Variants in IL1RAPL2 observed in about 807,000 individuals in gnomAD.
IL1RAPL2 encodes X-linked interleukin-1 receptor accessory protein-like 2.
IL1RAPL2 carries 3 observed loss-of-function variants against 44.1 expected under a neutral mutation model. That is an observed-to-expected ratio of 0.07 (90% CI 0.03 to 0.18). IL1RAPL2 has a LOEUF of 0.18. Among genes scored for constraint, IL1RAPL2 ranks in the 10% least tolerant of loss-of-function variants. The pLI, the probability that IL1RAPL2 is intolerant of heterozygous loss-of-function variation, is 1.00. For synonymous variants in IL1RAPL2, 181 were observed against 178.8 expected (o/e 1.01, Z -0.10); for missense variants, 391 against 496.4 (o/e 0.79, Z 2.02).
At chrX:104,923,622 C>T (rs1186161263) in intron 2 of IL1RAPL2, among the ~76,000 whole-genome samples, 1 of 111,603 alleles carries the variant, frequency 9.0e-6, no homozygotes, top group African/African-American at 3.3e-5. Context: ...TTTGTCACCA[C>T]TAGACTGGTC....
At chrX:105,014,906 G>A (rs183543636) in intron 2 of IL1RAPL2, among the ~76,000 whole-genome samples, 26 of 111,911 alleles carry the variant, frequency 2.3e-4, no homozygotes, top group Middle Eastern at 9.3e-3. Flanking sequence ...TTCCACAATG[G>A]TTGAACTAAT....
chrX:104,919,523 CTT>C (rs10666066), intron 2 of IL1RAPL2, among the ~76,000 whole-genome samples: 3 of 84,627 alleles, frequency 3.5e-5, no homozygotes, highest in Non-Finnish European at 6.7e-5. Context: ...CCACGCCTGG[CTT>C]TTTTTTTTTT....
At chrX:105,513,450 T>C (rs1050456607) in intron 6 of IL1RAPL2, among the ~76,000 whole-genome samples, 2 of 111,861 alleles carry the variant, frequency 1.8e-5, no homozygotes, top group Non-Finnish European at 3.8e-5. Flanking sequence ...GACTTTTTAA[T>C]GATCGGCATT....
At chrX:104,773,907 A>G (rs1932678318) in intron 2 of IL1RAPL2, among the ~76,000 whole-genome samples, 1 of 112,149 alleles carries the variant, frequency 8.9e-6, no homozygotes, top group South Asian at 3.7e-4. Context: ...GGAAGAATCC[A>G]TTTGATCATC....
At chrX:104,711,112 C>G (rs1931448695) in intron 2 of IL1RAPL2, among the ~76,000 whole-genome samples, 2 of 111,302 alleles carry the variant, frequency 1.8e-5, no homozygotes, top group Non-Finnish European at 3.8e-5. Context: ...TTTAGATACA[C>G]AAATACTGAC....
chrX:104,776,903 A>G (rs1298615928), intron 2 of IL1RAPL2, among the ~76,000 whole-genome samples: 1 of 111,581 alleles, frequency 9.0e-6, no homozygotes, highest in Non-Finnish European at 1.9e-5. Flanking sequence ...GTTTTTACCT[A>G]ACGCTCTTTT....
intron 2 of IL1RAPL2, among the ~76,000 whole-genome samples, chrX:105,166,657 A>C (rs776594346): frequency 8.9e-6 from 1 of 112,525 alleles, no homozygotes; most frequent in African/African-American, 3.2e-5. Flanking sequence ...AAACGGTGAA[A>C]AGTCTTCTTA....
chrX:105,253,660 G>A (rs1383427732), intron 4 of IL1RAPL2, among the ~76,000 whole-genome samples: 1 of 110,974 alleles, frequency 9.0e-6, no homozygotes, highest in Non-Finnish European at 1.9e-5. Context: ...TCATCACCTA[G>A]GTATTAAGCC....
intron 2 of IL1RAPL2, among the ~76,000 whole-genome samples, chrX:104,927,877 C>T (rs765974678): frequency 8.9e-6 from 1 of 112,076 alleles, no homozygotes; most frequent in Non-Finnish European, 1.9e-5. Context: ...TGTTTGGTTA[C>T]TTGCGCTCAC....
At chrX:105,521,504 G>A (rs1415249667) in intron 6 of IL1RAPL2, among the ~76,000 whole-genome samples, 3 of 111,677 alleles carry the variant, frequency 2.7e-5, no homozygotes, top group Non-Finnish European at 5.6e-5. Context: ...ATGTGATAAA[G>A]CTACACTTGT....
At chrX:104,946,896 A>G (rs1454697322) in intron 2 of IL1RAPL2, among the ~76,000 whole-genome samples, 2 of 94,841 alleles carry the variant, frequency 2.1e-5, no homozygotes, top group Admixed American at 1.2e-4. Context: ...GTGTCTTTAT[A>G]GCAGCATGAT....
chrX:104,726,813 CT>C (rs1344823826), intron 2 of IL1RAPL2, among the ~76,000 whole-genome samples: 2 of 110,560 alleles, frequency 1.8e-5, no homozygotes, highest in Admixed American at 1.9e-4. Flanking sequence ...CTGCGATAGC[CT>C]CATAGTATAA....
At chrX:105,534,217 T>A (rs2036661573) in intron 6 of IL1RAPL2, among the ~76,000 whole-genome samples, 2 of 111,949 alleles carry the variant, frequency 1.8e-5, no homozygotes, top group Admixed American at 1.9e-4. Flanking sequence ...CTGGTTGTTA[T>A]ACATAACCAT....
chrX:105,705,172 TG>T (rs987579728), intron 6 of IL1RAPL2, among the ~76,000 whole-genome samples: 8 of 106,538 alleles, frequency 7.5e-5, no homozygotes, highest in Non-Finnish European at 1.2e-4. Context: ...TCATTTGGGG[TG>T]GGGGGGATGA....
chrX:104,931,717 A>C (rs1384681895), intron 2 of IL1RAPL2, among the ~76,000 whole-genome samples: 1 of 111,457 alleles, frequency 9.0e-6, no homozygotes, highest in Admixed American at 9.6e-5. Context: ...AAAATGTTTA[A>C]ATTATTGAAA....
intron 2 of IL1RAPL2, among the ~76,000 whole-genome samples, chrX:104,802,685 G>A (rs1369740419): frequency 9.0e-6 from 1 of 111,675 alleles, no homozygotes; most frequent in Non-Finnish European, 1.9e-5. Context: ...ATTCCATCTT[G>A]TTTATTCAGC....
chrX:105,580,473 G>C (rs1330903111), intron 6 of IL1RAPL2, among the ~76,000 whole-genome samples: 3 of 108,804 alleles, frequency 2.8e-5, no homozygotes, highest in African/African-American at 1.0e-4. Context: ...CCTTAACCAG[G>C]GACCCAGGGC....
At chrX:105,021,675 A>G (rs1028061792) in intron 2 of IL1RAPL2, among the ~76,000 whole-genome samples, 1 of 111,018 alleles carries the variant, frequency 9.0e-6, no homozygotes, top group African/African-American at 3.3e-5. Flanking sequence ...AACTATGCCT[A>G]CTCTATTAAG....
In IL1RAPL2 at chrX:104,921,562, C is replaced by T. The variant is rs185109994; in HGVS notation, c.82+262567C>T. On this transcript the variant is annotated intron_variant, in intron 2 of 10. Transcript: ENST00000372582. The stretch of plus-strand genomic sequence containing the variant: ...ACCTTGAGGGGCCAGTGAACAAATC[C>T]GCTGGCCTTGTCCCAGTTTCCCAGG... 2.2e-3 allele frequency among the ~76,000 whole-genome samples: 245 copies of T among 112,282 alleles called. 2 individuals carry two copies. The highest frequency in any genetic ancestry group is 9.3e-3 in the Middle Eastern group (2 of 215).
Sources: gnomAD v4.1 joint callset for allele counts (sites outside exome capture counted in the v4.1 genomes callset) on GRCh38, gnomAD v4.1.1 for gene constraint, MANE v1.5 for transcripts, NCBI Gene and HGNC (gene_info 2026-07-23, HGNC 2026-07-21) for gene names.